ANXA5: variants seen among roughly 807,000 people sequenced by gnomAD.
ANXA5 encodes CBP-I.
A neutral mutation model predicts 48.1 loss-of-function variants in ANXA5; 40 were observed. The ratio of observed to expected loss-of-function variants is 0.83; its 90% CI spans 0.65 to 1.08. The LOEUF (loss-of-function observed/expected upper bound fraction) is 1.08. Among genes scored for constraint, ANXA5 ranks in the 50% least tolerant of loss-of-function variants. ANXA5 has a pLI of 0.00. For missense variants in ANXA5, 357 were observed against 376.8 expected, an observed-to-expected ratio of 0.95 and a Z score of 0.44; for synonymous variants, 113 against 129.1, an observed-to-expected ratio of 0.88 and a Z score of 0.85.
At chr4:121,695,131 T>C (rs72911860) in intron 2 of ANXA5, among the ~76,000 whole-genome samples, 2 of 152,212 alleles carry the variant, frequency 1.3e-5, no homozygotes, top group Non-Finnish European at 2.9e-5. Flanking sequence ...TTCATGTACA[T>C]CACCACACCA....
At chr4:121,687,130 AC>A (rs1303385614) in intron 2 of ANXA5, among the ~76,000 whole-genome samples, 5 of 151,696 alleles carry the variant, frequency 3.3e-5, no homozygotes, top group Non-Finnish European at 5.9e-5. Context: ...ACACGTTGAA[AC>A]CCCATCTCTA....
At chr4:121,692,590 T>A (rs548062639) in intron 2 of ANXA5, among the ~76,000 whole-genome samples, 1 of 152,326 alleles carries the variant, frequency 6.6e-6, no homozygotes, top group Non-Finnish European at 1.5e-5. Flanking sequence ...TTTCCCCACC[T>A]CACTGCAGTT....
At chr4:121,689,364 C>A (rs866951766) in intron 2 of ANXA5, among the ~76,000 whole-genome samples, 1 of 152,152 alleles carries the variant, frequency 6.6e-6, no homozygotes, top group Non-Finnish European at 1.5e-5. Flanking sequence ...ATTATACTAA[C>A]TACTAGTTAA....
chr4:121,687,281 CAG>C (rs940100805), intron 2 of ANXA5, among the ~76,000 whole-genome samples: 3 of 137,274 alleles, frequency 2.2e-5, no homozygotes, highest in African/African-American at 8.3e-5. Context: ...GCCAAGGTGA[CAG>C]AGCGAGACTC....
intron 8 of ANXA5, among the ~76,000 whole-genome samples, chr4:121,674,299 GA>G (rs1210853078): frequency 7.6e-6 from 1 of 131,596 alleles, no homozygotes; most frequent in Non-Finnish European, 1.6e-5. Flanking sequence ...GGAGGGTAAG[GA>G]AATGGGAGGG....
At chr4:121,671,515 C>A (rs756639275) in intron 10 of ANXA5, 32 bp downstream of exon 10, 4 of 1,523,882 alleles carry the variant, frequency 2.6e-6, no homozygotes. Context: ...GCTCTTACCA[C>A]CAAAAATATC....
At chr4:121,676,182 C>A (rs555537489) in intron 8 of ANXA5, among the ~76,000 whole-genome samples, 1 of 152,206 alleles carries the variant, frequency 6.6e-6, no homozygotes, top group Non-Finnish European at 1.5e-5. Context: ...TGAACAAAGC[C>A]CCTAACAGGA....
In ANXA5 at chr4:121,668,469, T is replaced by C; in HGVS notation, c.962A>G (p.Ter321=). ...ALLLLCGEDD[*] Reference sequence around the variant, plus strand: ...CAGGGAGCTCTTCCCCGTGACACGTTAGTCATCTTCTCCACAGAGCAGCAG... The same window carrying C: ...CAGGGAGCTCTTCCCCGTGACACGTCAGTCATCTTCTCCACAGAGCAGCAG... Residue 321 remains the stop codon, a stop_retained_variant, in exon 13 of 13, where the codon TAA becomes TGA. Coordinates refer to ENST00000296511, the MANE Select transcript of ANXA5 (RefSeq NM_001154.4). 1 of 1,613,412 alleles carries C rather than the reference T, an allele frequency of 6.2e-7. No homozygotes were observed.
chr4:121,682,729 A>G (rs2110485473), intron 5 of ANXA5, among the ~76,000 whole-genome samples: 1 of 152,260 alleles, frequency 6.6e-6, no homozygotes, highest in Admixed American at 6.5e-5. Flanking sequence ...TTAAATCTCA[A>G]TGTGCCCATT....
intron 2 of ANXA5, 58 bp downstream of exon 2, chr4:121,696,523 C>T (rs1041338296): frequency 1.5e-6 from 2 of 1,321,308 alleles, no homozygotes; most frequent in African/African-American, 1.5e-5. Context: ...AAAAGTCCCT[C>T]GTCGCAGCAT....
At chr4:121,685,031 T>A (rs998695441) in intron 3 of ANXA5, among the ~76,000 whole-genome samples, 131 of 123,518 alleles carry the variant, frequency 1.1e-3, no homozygotes, top group African/African-American at 4.2e-3. Context: ...AAAAAAAAAA[T>A]ATGTATATAT....
Position 121,668,324 on chromosome 4 carries a change from T to C in ANXA5, c.*144A>G, listed in dbSNP as rs2110477474. ...AGAAAGAAGCACCACTATTTTCTTCTATGACGTGTATGTGTTGGTCATGAG... is the reference window on the plus strand; with the variant it reads ...AGAAAGAAGCACCACTATTTTCTTCCATGACGTGTATGTGTTGGTCATGAG... On this transcript the variant is annotated 3_prime_UTR_variant, in exon 13 of 13. Transcript: ENST00000296511. The C allele has an allele frequency of 1.5e-6, 1 of 666,560 alleles. No individual in the cohort carries two copies. Among genetic ancestry groups the C allele is most frequent in the East Asian group, 2.7e-5 (1 of 36,848 alleles). 41.3% of individuals were successfully genotyped at this position (666,560 alleles called of 1,614,324 possible).
chr4:121,681,768 G>C lies in ANXA5; in HGVS notation c.304-7C>G. ...TTTCATTTGTTCCAGCTCCCTGTTT[G>C]GAGATTTTAATAGAGAAAACATGTC... On this transcript the variant is annotated splice_region_variant and splice_polypyrimidine_tract_variant and intron_variant, in intron 5 of 12. Coordinates refer to ENST00000296511, the MANE Select transcript of ANXA5 (RefSeq NM_001154.4). The C allele has an allele frequency of 6.2e-7, 1 of 1,600,856 alleles. No individual in the cohort carries two copies. The highest frequency in any genetic ancestry group is 2.2e-5 in the East Asian group (1 of 44,682).
At chr4:121,679,744 T>C (rs1313676715) in intron 6 of ANXA5, among the ~76,000 whole-genome samples, 5 of 152,188 alleles carry the variant, frequency 3.3e-5, no homozygotes, top group Admixed American at 6.5e-5. Flanking sequence ...CCCAGCTTTA[T>C]TGAGTTATGA....
intron 2 of ANXA5, among the ~76,000 whole-genome samples, chr4:121,694,442 C>G (rs1725044533): frequency 1.3e-5 from 2 of 152,012 alleles, no homozygotes; most frequent in East Asian, 1.9e-4. Context: ...TGGAGTGCAG[C>G]AGCGCGATCT....
At chr4:121,686,259 T>C (rs1724887474) in intron 3 of ANXA5, 29 bp downstream of exon 3, 1 of 1,538,496 alleles carries the variant, frequency 6.5e-7, no homozygotes. Flanking sequence ...AATATCACAT[T>C]TGCTTTAGAA....
At chr4:121,669,931 GA>G in intron 11 of ANXA5, 22 bp downstream of exon 11, 2 of 1,554,344 alleles carry the variant, frequency 1.3e-6, no homozygotes. Flanking sequence ...GTATTAGATA[GA>G]AGGTTCATGG....
At position 121,683,470 on chromosome 4, in the gene ANXA5, A is replaced by G; in HGVS notation, c.197T>C (p.Leu66Pro). The change falls in exon 5 of 13, where the codon CTG becomes CCG. Residue 66 changes from leucine to proline, a missense_variant. Leu to Pro is a moderately conservative substitution (Grantham distance 98, BLOSUM62 -3). Transcript: ENST00000296511. ...AGTTAGTTCTGATTTCAGGTCATCC[A>G]GAAGATCCTAACCCACAGAAAATAC... ...AFKTLFGRDL[L>P]DDLKSELTGK... is the part of the protein sequence containing the mutation. 1.3e-6 allele frequency: 2 copies of G among 1,588,402 alleles called. No homozygotes were observed. The highest frequency in any genetic ancestry group is 1.7e-4 in the Middle Eastern group (1 of 5,988).
chr4:121,691,454 T>C (rs1342293943), intron 2 of ANXA5, among the ~76,000 whole-genome samples: 1 of 152,166 alleles, frequency 6.6e-6, no homozygotes, highest in Non-Finnish European at 1.5e-5. Context: ...ACATTTTAAA[T>C]AAAGCCTTCC....
Sources: allele counts gnomAD v4.1 joint callset (sites outside exome capture counted in the v4.1 genomes callset), GRCh38; gene constraint gnomAD v4.1.1; transcripts MANE v1.5; gene names NCBI Gene and HGNC (gene_info 2026-07-23, HGNC 2026-07-21).